The following MACROD2 variants were observed in gnomAD, a reference collection of about 807,000 sequenced individuals.
MACROD2 encodes the protein ADP-ribose glycohydrolase MACROD2.
MACROD2 carries 36 observed loss-of-function variants against 70.4 expected under a neutral mutation model. That is an observed-to-expected ratio of 0.51 (90% confidence interval 0.39 to 0.68). MACROD2 has a LOEUF of 0.68. Among genes scored for constraint, MACROD2 ranks in the 30% least tolerant of loss-of-function variants. The probability of loss-of-function intolerance (pLI) is 0.00; values close to 1 mark genes in which losing one functional copy is unlikely to be tolerated. For missense variants in MACROD2, 496 were observed against 538.4 expected, an observed-to-expected ratio of 0.92 and a Z score of 0.78; for synonymous variants, 172 against 178.8, an observed-to-expected ratio of 0.96 and a Z score of 0.30.
intron 8 of MACROD2, among the ~76,000 whole-genome samples, chr20:15,538,150 A>G (rs987270863): frequency 4.6e-5 from 7 of 152,232 alleles, no homozygotes; most frequent in African/African-American, 1.7e-4. Flanking sequence ...CACGAAGGAA[A>G]AAGAAAAACA....
intron 8 of MACROD2, among the ~76,000 whole-genome samples, chr20:15,706,726 A>G (rs1172096125): frequency 1.3e-5 from 2 of 152,262 alleles, no homozygotes; most frequent in African/African-American, 4.8e-5. Context: ...AAATTTATCC[A>G]GTTTAACAAT....
intron 3 of MACROD2, among the ~76,000 whole-genome samples, chr20:14,161,612 T>G (rs1034861655): frequency 2.2e-4 from 33 of 149,704 alleles, no homozygotes; most frequent in African/African-American, 8.1e-4. Context: ...TGTCTCACTC[T>G]GTCGCCCAGG....
intron 3 of MACROD2, among the ~76,000 whole-genome samples, chr20:14,382,445 G>C (rs1430019373): frequency 6.6e-6 from 1 of 151,784 alleles, no homozygotes; most frequent in Non-Finnish European, 1.5e-5. Flanking sequence ...GAGGAGGGTG[G>C]ATCACCTGAG....
chr20:15,494,050 A>G (rs562130927), intron 7 of MACROD2, among the ~76,000 whole-genome samples: 2 of 152,370 alleles, frequency 1.3e-5, no homozygotes, highest in South Asian at 2.1e-4. Context: ...CAGCGAGAAG[A>G]CAGGCAAATC....
chr20:15,807,288 C>T (rs2063777845), intron 8 of MACROD2, among the ~76,000 whole-genome samples: 1 of 152,126 alleles, frequency 6.6e-6, no homozygotes, highest in African/African-American at 2.4e-5. Flanking sequence ...GTGACCAAAA[C>T]ATGGCCTTCG....
At chr20:15,859,503 T>A (rs1234711822) in intron 8 of MACROD2, among the ~76,000 whole-genome samples, 1 of 152,208 alleles carries the variant, frequency 6.6e-6, no homozygotes, top group African/African-American at 2.4e-5. Context: ...TCAGTACCCA[T>A]GGTGCATTCA....
chr20:15,087,731 T>G (rs1480473797), intron 5 of MACROD2, among the ~76,000 whole-genome samples: 1 of 151,996 alleles, frequency 6.6e-6, no homozygotes, highest in East Asian at 1.9e-4. Flanking sequence ...TCATGGCAAA[T>G]GTCAATATAA....
Position 15,322,059 on chromosome 20 carries a change from G to A in MACROD2, c.540+91998G>A, listed in dbSNP as rs909938754. 3.5e-5 allele frequency among the ~76,000 whole-genome samples: 5 copies of A among 143,912 alleles called. 2 individuals carry two copies. The highest frequency in any genetic ancestry group is 7.9e-5 in the Non-Finnish European group (5 of 63,680). 94.4% of individuals were successfully genotyped at this position (143,912 alleles called of 152,430 possible). ...GCCCGCCTCGGCCTCCCAAAGTGCT[G>A]GGATTACAGGCATGAGCCACTGCAC... On this transcript the variant is annotated intron_variant, in intron 6 of 17. Transcript: ENST00000684519.
intron 5 of MACROD2, among the ~76,000 whole-genome samples, chr20:15,179,892 G>C (rs1041681279): frequency 4.6e-5 from 7 of 152,192 alleles, no homozygotes; most frequent in Non-Finnish European, 1.0e-4. Context: ...CCACAGACCA[G>C]ATGGCTTAAA....
intron 8 of MACROD2, among the ~76,000 whole-genome samples, chr20:15,618,985 T>C (rs2049085368): frequency 1.3e-5 from 2 of 152,128 alleles, no homozygotes; most frequent in African/African-American, 2.4e-5. Context: ...GATGAAACCA[T>C]AGGGAACTGA....
At chr20:15,016,829 G>T (rs1256071636) in intron 5 of MACROD2, among the ~76,000 whole-genome samples, 1 of 152,110 alleles carries the variant, frequency 6.6e-6, no homozygotes. Context: ...AAACCCATCA[G>T]GTCTTGTGAG....
Position 14,145,195 on chromosome 20 carries a change from G to A in MACROD2, c.271+59467G>A, listed in dbSNP as rs538626908. ...AGGCTTAAAGGGAATTTAAGACAAAGGTGAATAGATTTGTTTCACCACAGT... is the reference window on the plus strand; with the variant it reads ...AGGCTTAAAGGGAATTTAAGACAAAAGTGAATAGATTTGTTTCACCACAGT... On this transcript the variant is annotated intron_variant, in intron 3 of 17. Coordinates refer to ENST00000684519, the MANE Select transcript of MACROD2 (RefSeq NM_001351661.2). Among the ~76,000 whole-genome samples the A allele has an allele frequency of 3.3e-5, 5 of 152,220 alleles. No homozygotes were observed. The South Asian group carries it at 1.0e-3, about 32-fold the overall frequency.
intron 4 of MACROD2, among the ~76,000 whole-genome samples, chr20:14,677,980 T>A (rs1201522288): frequency 6.6e-6 from 1 of 152,200 alleles, no homozygotes; most frequent in Non-Finnish European, 1.5e-5. Context: ...AATGAATGTA[T>A]TTGTTAAGGC....
chr20:14,771,116 G>A (rs2072159083), intron 5 of MACROD2, among the ~76,000 whole-genome samples: 1 of 152,058 alleles, frequency 6.6e-6, no homozygotes, highest in Non-Finnish European at 1.5e-5. Flanking sequence ...GAACAAAAAT[G>A]TAGAGGAAGG....
intron 5 of MACROD2, among the ~76,000 whole-genome samples, chr20:15,178,026 T>A (rs2145898258): frequency 6.6e-6 from 1 of 152,282 alleles, no homozygotes; most frequent in Admixed American, 6.5e-5. Context: ...TTGTGGGATT[T>A]CTATATGGGT....
chr20:15,188,361 T>C (rs2076547337), intron 5 of MACROD2, among the ~76,000 whole-genome samples: 1 of 152,128 alleles, frequency 6.6e-6, no homozygotes, highest in South Asian at 2.1e-4. Flanking sequence ...ATATCCATAA[T>C]GGCGTGTGTT....
intron 6 of MACROD2, among the ~76,000 whole-genome samples, chr20:15,422,506 T>A (rs1340434240): frequency 6.6e-6 from 1 of 152,182 alleles, no homozygotes; most frequent in Non-Finnish European, 1.5e-5. Flanking sequence ...TTTCTTAGCT[T>A]TTCTCTTCTC....
At chr20:14,698,726 G>A (rs1416673827) in intron 5 of MACROD2, among the ~76,000 whole-genome samples, 1 of 150,106 alleles carries the variant, frequency 6.7e-6, no homozygotes, top group Non-Finnish European at 1.5e-5. Flanking sequence ...GCAAATATGT[G>A]CACATAGAAA....
chr20:14,331,977 T>C lies in MACROD2; in HGVS notation c.272-161502T>C, dbSNP rs892376640. Among the ~76,000 whole-genome samples, 6 of 152,240 alleles carry C rather than the reference T, an allele frequency of 3.9e-5. No homozygotes were observed. In the East Asian group the frequency reaches 9.7e-4, roughly 25 times the overall value. On this transcript the variant is annotated intron_variant, in intron 3 of 17. Transcript: ENST00000684519. The stretch of plus-strand genomic sequence containing the variant: ...CTTCTGAACAAAATGAATCGATCTT[T>C]TAGAAAAATACTGTTAATGGGGTAA...
Sources: gnomAD v4.1 joint callset for allele counts (sites outside exome capture counted in the v4.1 genomes callset) on GRCh38, gnomAD v4.1.1 for gene constraint, MANE v1.5 for transcripts, NCBI Gene and HGNC (gene_info 2026-07-23, HGNC 2026-07-21) for gene names.